The following PRMT8 variants were observed in gnomAD, a reference collection of about 807,000 sequenced individuals.
PRMT8 encodes protein arginine methyltransferase 8.
In PRMT8, 7 loss-of-function variants were observed where a neutral mutation model predicts 47.1. The observed-to-expected ratio is 0.15, with a 90% CI of 0.08 to 0.28. The LOEUF (loss-of-function observed/expected upper bound fraction) is 0.28. Ranked by LOEUF, PRMT8 falls within the 10% of genes least tolerant of loss-of-function variation. The pLI is 1.00. For synonymous variants in PRMT8, 188 were observed against 186.5 expected (o/e 1.01, Z -0.07); for missense variants, 237 against 505.4 (o/e 0.47, Z 5.09).
intron 3 of PRMT8, chr12:3,553,157 A>G: frequency 4.8e-6 from 1 of 208,532 alleles, no homozygotes; most frequent in South Asian, 8.3e-5. Context: ...GAAGAGAAAG[A>G]TCTTAAACCA....
chr12:3,545,190 C>G (rs138687743), intron 2 of PRMT8, among the ~76,000 whole-genome samples: 1 of 152,326 alleles, frequency 6.6e-6, no homozygotes, highest in East Asian at 1.9e-4. Flanking sequence ...GAGGCACAGA[C>G]AGCTGAAAGC....
intron 4 of PRMT8, among the ~76,000 whole-genome samples, chr12:3,559,561 C>G (rs561629815): frequency 1.3e-5 from 2 of 152,162 alleles, no homozygotes; most frequent in East Asian, 1.9e-4. Context: ...ATGGAGTTTC[C>G]TCTCATTTCC....
chr12:3,507,281 C>T (rs897629104), intron 1 of PRMT8, among the ~76,000 whole-genome samples: 1 of 151,980 alleles, frequency 6.6e-6, no homozygotes, highest in Non-Finnish European at 1.5e-5. Context: ...GCCACTGCGC[C>T]CGGCTAATTT....
At chr12:3,469,320 G>C in intron 1 of PRMT8, 1 of 394,482 alleles carries the variant, frequency 2.5e-6, no homozygotes, top group South Asian at 2.2e-5. Context: ...TAAGATTGAA[G>C]GCAGTCTACT....
intron 1 of PRMT8, among the ~76,000 whole-genome samples, chr12:3,408,479 T>C (rs999013970): frequency 4.6e-5 from 7 of 152,192 alleles, no homozygotes; most frequent in African/African-American, 1.4e-4. Context: ...TCAAGCGATC[T>C]TCCTGCCTTG....
intron 1 of PRMT8, among the ~76,000 whole-genome samples, chr12:3,470,391 G>T (rs989092739): frequency 6.6e-6 from 1 of 152,198 alleles, no homozygotes; most frequent in Non-Finnish European, 1.5e-5. Flanking sequence ...GCTGAGTCCA[G>T]GTGGAGGGAA....
In PRMT8 at chr12:3,570,427, A is replaced by G. The variant is rs1017951706; in HGVS notation, c.712+863A>G. Among the ~76,000 whole-genome samples the G allele has an allele frequency of 2.0e-5, 3 of 152,212 alleles. No homozygotes were observed. The highest frequency in any genetic ancestry group is 1.5e-5 in the Non-Finnish European group (1 of 68,038). On this transcript the variant is annotated intron_variant, in intron 6 of 9. Transcript: ENST00000382622. This position sits in a 1 kb window ranked among gnomAD's most constrained non-coding sequence, Gnocchi z 5.5. ...AACCCCTCAAACAGGCAAACACCCA[A>G]AAATCCAAATTAAAGCAAGAGGCAG...
chr12:3,567,978 A>G (rs1469845882), intron 4 of PRMT8, among the ~76,000 whole-genome samples: 1 of 152,044 alleles, frequency 6.6e-6, no homozygotes, highest in East Asian at 1.9e-4. Context: ...AGGCTGAGGC[A>G]GGAGAATCGC....
In PRMT8 at chr12:3,409,644, T is replaced by A. The variant is rs1238266036; in HGVS notation, c.48+28202T>A. ...TTGGCCTGGGGGCGGGGGTGAGGTG[T>A]CCCATCTCAGTCAATGCTCTGTTTT... On this transcript the variant is annotated intron_variant, in intron 1 of 9. Transcript: ENST00000452611. This position sits in a 1 kb window ranked among gnomAD's most constrained non-coding sequence, Gnocchi z 4.4. 6.6e-6 allele frequency among the ~76,000 whole-genome samples: 1 copy of A among 151,992 alleles called. No individual in the cohort carries two copies. Among genetic ancestry groups the A allele is most frequent in the Non-Finnish European group, 1.5e-5 (1 of 67,990 alleles).
intron 8 of PRMT8, among the ~76,000 whole-genome samples, chr12:3,584,717 C>T (rs893552880): frequency 1.3e-5 from 2 of 152,186 alleles, no homozygotes; most frequent in South Asian, 2.1e-4. Flanking sequence ...CAAGCACATG[C>T]ATATCCATAG....
intron 1 of PRMT8, among the ~76,000 whole-genome samples, chr12:3,428,334 TAA>T (rs1469979227): frequency 1.3e-5 from 2 of 152,254 alleles, no homozygotes; most frequent in East Asian, 3.9e-4. Context: ...TTTTTCCCCT[TAA>T]GATACTTCTG....
chr12:3,569,081 T>G lies in PRMT8; in HGVS notation c.624+233T>G, dbSNP rs901485093. Among the ~76,000 whole-genome samples, 3 of 152,092 alleles carry G rather than the reference T, an allele frequency of 2.0e-5. No homozygotes were observed. The highest frequency in any genetic ancestry group is 7.2e-5 in the African/African-American group (3 of 41,428). On this transcript the variant is annotated intron_variant, in intron 5 of 9. Coordinates refer to ENST00000382622, the MANE Select transcript of PRMT8 (RefSeq NM_019854.5). The surrounding 1 kb of genome is among the most constrained non-coding windows in gnomAD (Gnocchi z 8.2). Reference sequence around the variant, plus strand: ...TCCGTGGGTCTCACCGCAGCCTCTTTTGCAATAACAGACATCCGTTCTCTC... The same window carrying G: ...TCCGTGGGTCTCACCGCAGCCTCTTGTGCAATAACAGACATCCGTTCTCTC...
In PRMT8 at chr12:3,409,819, G is replaced by A. The variant is rs970242916; in HGVS notation, c.48+28377G>A. On this transcript the variant is annotated intron_variant, in intron 1 of 9. Coordinates refer to the PRMT8 transcript ENST00000452611. The surrounding 1 kb of genome is among the most constrained non-coding windows in gnomAD (Gnocchi z 4.4). ...TGGGTAGCTAAGGCAGGGATTCCCT[G>A]GGAATCCACAGTGCCTCATCAGCTT... Among the ~76,000 whole-genome samples the A allele has an allele frequency of 6.6e-6, 1 of 152,142 alleles. No individual in the cohort carries two copies. Among genetic ancestry groups the A allele is most frequent in the African/African-American group, 2.4e-5 (1 of 41,428 alleles).
intron 1 of PRMT8, among the ~76,000 whole-genome samples, chr12:3,529,906 G>A (rs1866002383): frequency 1.3e-5 from 2 of 152,102 alleles, no homozygotes. Context: ...CTGCAGAGAG[G>A]GCTTGTACTA....
intron 4 of PRMT8, among the ~76,000 whole-genome samples, chr12:3,555,883 TGTGGGGATGAGAAAAAAGAGAGAA>T (rs1866520054): frequency 4.0e-5 from 4 of 99,404 alleles, no homozygotes; most frequent in African/African-American, 1.4e-4. Flanking sequence ...ATGCATTGAG[TGTGGGGATGAGAAAAAAGAGAGAA>T]GCAAGGATTC....
chr12:3,391,092 G>T lies in PRMT8; in HGVS notation c.48+9650G>T, dbSNP rs1864187881. Among the ~76,000 whole-genome samples, 2 of 152,112 alleles carry T rather than the reference G, an allele frequency of 1.3e-5. 1 individual carries two copies. The highest frequency in any genetic ancestry group is 4.1e-4 in the South Asian group (2 of 4,820). ...CAGAGTTGCTCCTTCTTTTGCCCTT[G>T]CTCCCATCTCCTATAGCATGCACTC... is the stretch of plus-strand genomic sequence containing the variant. On this transcript the variant is annotated intron_variant, in intron 1 of 9. Coordinates refer to the PRMT8 transcript ENST00000452611.
At chr12:3,400,674 C>G (rs1864306303) in intron 1 of PRMT8, among the ~76,000 whole-genome samples, 1 of 152,200 alleles carries the variant, frequency 6.6e-6, no homozygotes, top group South Asian at 2.1e-4. Context: ...CCAACATTAT[C>G]CTGATACCAA....
intron 8 of PRMT8, among the ~76,000 whole-genome samples, chr12:3,588,301 A>C (rs1469847596): frequency 6.6e-6 from 1 of 152,260 alleles, no homozygotes; most frequent in Non-Finnish European, 1.5e-5. Context: ...TCTAGAGAAT[A>C]TAATTCCAAA....
At chr12:3,440,859 C>A (rs113702662) in intron 1 of PRMT8, among the ~76,000 whole-genome samples, 3,615 of 152,242 alleles carry the variant, frequency 0.024, 148 homozygotes, top group African/African-American at 0.083. Flanking sequence ...TCAGTGTCAT[C>A]ATGAGCTAAA....
Sources: gnomAD v4.1 joint callset for allele counts (sites outside exome capture counted in the v4.1 genomes callset) on GRCh38, gnomAD v4.1.1 for gene constraint, Gnocchi (gnomAD v3.1) non-coding constraint, MANE v1.5 for transcripts, NCBI Gene and HGNC (gene_info 2026-07-23, HGNC 2026-07-21) for gene names.